Variants in ADH5 observed in about 807,000 individuals in gnomAD.
ADH5 encodes the protein alcohol dehydrogenase class-3.
Under a neutral mutation model 40.3 loss-of-function variants are expected in ADH5, and 32 were observed. The observed-to-expected ratio is 0.79, with a 90% CI of 0.60 to 1.07. The LOEUF (loss-of-function observed/expected upper bound fraction) is 1.07, where lower values mean the gene tolerates loss of function less well. Among genes scored for constraint, ADH5 ranks in the 50% least tolerant of loss-of-function variants. ADH5 has a pLI of 0.00. For missense variants in ADH5, 353 were observed against 460.5 expected, an observed-to-expected ratio of 0.77 and a Z score of 2.14; for synonymous variants, 125 against 154.3, an observed-to-expected ratio of 0.81 and a Z score of 1.41.
intron 4 of ADH5, among the ~76,000 whole-genome samples, 182 bp downstream of exon 4, chr4:99,081,183 C>T (rs1728019125): frequency 6.6e-6 from 1 of 151,938 alleles, no homozygotes; most frequent in South Asian, 2.1e-4. Context: ...TCTCCCCCCA[C>T]CCCACGAAAT....
At position 99,072,293 on chromosome 4, in the gene ADH5, T is replaced by A; in HGVS notation, c.*124A>T. ...TATAGAGATTCATGAATGACACACA[T>A]AACCCTATTTTCTGGAGTAGCTGTG... On this transcript the variant is annotated 3_prime_UTR_variant, in exon 9 of 9. Coordinates refer to ENST00000296412, the MANE Select transcript of ADH5 (RefSeq NM_000671.4). 1 of 803,930 alleles carries A rather than the reference T, an allele frequency of 1.2e-6. No homozygotes were observed. Among genetic ancestry groups the A allele is most frequent in the South Asian group, 1.9e-5 (1 of 51,686 alleles). 49.8% of individuals were successfully genotyped at this position (803,930 alleles called of 1,614,324 possible).
chr4:99,074,477 TCAGA>T (rs1251543462), intron 7 of ADH5, among the ~76,000 whole-genome samples: 29 of 152,310 alleles, frequency 1.9e-4, no homozygotes, highest in African/African-American at 6.7e-4. Context: ...ACTGCTAAAA[TCAGA>T]CAGATATATG....
intron 7 of ADH5, 118 bp downstream of exon 7, chr4:99,074,796 A>C: frequency 1.7e-6 from 2 of 1,187,198 alleles, no homozygotes; most frequent in South Asian, 3.4e-5. Flanking sequence ...ACAACTTATA[A>C]TGAGAAGGAA....
In ADH5 at chr4:99,072,351, TCTC is replaced by T; in HGVS notation, c.*63_*65del. 1 of 1,532,388 alleles carries T rather than the reference TCTC, an allele frequency of 6.5e-7. No individual in the cohort carries two copies. Among genetic ancestry groups the T allele is most frequent in the Non-Finnish European group, 9.0e-7 (1 of 1,113,648 alleles). The allele number at this position is 1,532,388 out of a possible 1,614,324, so 94.9% of individuals were successfully genotyped here. A position where few individuals can be genotyped will look rare whatever the true frequency, so the allele number is the denominator to read the frequency against. On this transcript the variant is annotated 3_prime_UTR_variant, in exon 9 of 9. Transcript: ENST00000296412. ...ACGAGGCTGTGAGGTTGGAGGCGCT[TCTC>T]CCTGCCTGTTAAGCTGCTCCTATCA...
At chr4:99,083,918 C>T (rs1728076957) in intron 2 of ADH5, among the ~76,000 whole-genome samples, 1 of 152,186 alleles carries the variant, frequency 6.6e-6, no homozygotes, top group Admixed American at 6.5e-5. Context: ...CAATATGCCT[C>T]TCTCCAAGGG....
chr4:99,086,939 C>CAAAAAAAAAAAAAA (rs58359709), intron 1 of ADH5, among the ~76,000 whole-genome samples: 2 of 64,270 alleles, frequency 3.1e-5, no homozygotes, highest in African/African-American at 7.1e-5. Context: ...GACTGCGTCT[C>CAAAAAAAAAAAAAA]AAAAAAAAAA....
At chr4:99,075,189 T>G in intron 6 of ADH5, 140 bp from the exon 7 acceptor site, 1 of 646,876 alleles carries the variant, frequency 1.5e-6, no homozygotes, top group Non-Finnish European at 2.5e-6. Context: ...GTGAGCTCAA[T>G]GTTATTGAAC....
chr4:99,085,255 C>T, intron 1 of ADH5, 39 bp from the exon 2 acceptor site: 1 of 1,102,092 alleles, frequency 9.1e-7, no homozygotes, highest in East Asian at 2.9e-5. Context: ...GTTTATCCTC[C>T]TAAACAAGTA....
At chr4:99,077,197 T>C (rs892325216) in intron 4 of ADH5, among the ~76,000 whole-genome samples, 1 of 152,182 alleles carries the variant, frequency 6.6e-6, no homozygotes, top group Non-Finnish European at 1.5e-5. Flanking sequence ...GTACAACTTA[T>C]GGATCAGATG....
At chr4:99,079,788 C>T in intron 4 of ADH5, 3 of 327,244 alleles carry the variant, frequency 9.2e-6, no homozygotes, top group Non-Finnish European at 5.9e-6. Context: ...TCCTAATAGC[C>T]TTAGTGGGTA....
intron 6 of ADH5, 26 bp downstream of exon 6, chr4:99,076,266 T>G (rs1307043921): frequency 6.2e-7 from 1 of 1,602,754 alleles, no homozygotes; most frequent in Non-Finnish European, 8.5e-7. Context: ...TTCCATAAAC[T>G]AAAAAGGAAT....
intron 7 of ADH5, 132 bp downstream of exon 7, chr4:99,074,782 T>C: frequency 9.0e-7 from 1 of 1,105,954 alleles, no homozygotes; most frequent in Non-Finnish European, 1.3e-6. Flanking sequence ...CAGCCTTGCA[T>C]GCAACAACTT....
intron 7 of ADH5, 97 bp from the exon 8 acceptor site, chr4:99,072,808 A>G: frequency 8.3e-7 from 1 of 1,203,890 alleles, no homozygotes; most frequent in East Asian, 2.3e-5. Context: ...GAATTTTTTG[A>G]TGAGTTAAAG....
At chr4:99,082,202 A>G (rs972649198) in intron 2 of ADH5, 86 bp from the exon 3 acceptor site, 40 of 1,361,982 alleles carry the variant, frequency 2.9e-5, no homozygotes, top group Non-Finnish European at 3.9e-5. Context: ...TTTTATTATA[A>G]TACTATATTT....
In ADH5 at chr4:99,088,682, G is replaced by A. The variant is rs1332194848; in HGVS notation, c.12+7C>T. 4 of 1,607,446 alleles carry A rather than the reference G, an allele frequency of 2.5e-6. No individual in the cohort carries two copies. The highest frequency in any genetic ancestry group is 1.7e-5 in the Admixed American group (1 of 59,634). On this transcript the variant is annotated splice_region_variant and intron_variant, in intron 1 of 8. Coordinates refer to ENST00000296412, the MANE Select transcript of ADH5 (RefSeq NM_000671.4). ...GGACTCAGGGCCCTCCGCTCAACGG[G>A]CCCTACCTCGTTCGCCATGTTCACG...
At chr4:99,082,592 C>T (rs28730592) in intron 2 of ADH5, among the ~76,000 whole-genome samples, 13,456 of 152,228 alleles carry the variant, frequency 0.088, 632 homozygotes, top group Middle Eastern at 0.11. Context: ...TCAGAACTTT[C>T]AGAGGAACCA....
intron 4 of ADH5, among the ~76,000 whole-genome samples, chr4:99,077,928 C>G (rs1727958846): frequency 6.6e-6 from 1 of 152,212 alleles, no homozygotes; most frequent in Non-Finnish European, 1.5e-5. Context: ...CCTTCATTTT[C>G]TCACTAGAAA....
rs1252372799 is a variant in ADH5 at position 99,075,055 on chromosome 4, G to A, written c.826-6C>T. ...CATGCCTCAAGTGCTGCTCTCTGCA[G>A]GCACAGAGATATGACCAAATCACAG... is the stretch of plus-strand genomic sequence containing the variant. On this transcript the variant is annotated splice_polypyrimidine_tract_variant and splice_region_variant and intron_variant, in intron 6 of 8. Coordinates refer to ENST00000296412, the MANE Select transcript of ADH5 (RefSeq NM_000671.4). 36 of 1,596,920 alleles carry A rather than the reference G, an allele frequency of 2.3e-5. No individual in the cohort carries two copies. The highest frequency in any genetic ancestry group is 3.0e-5 in the Non-Finnish European group (35 of 1,170,332).
In ADH5 at chr4:99,084,535, C is replaced by T. The variant is rs115242403; in HGVS notation, c.114+580G>A. Among the ~76,000 whole-genome samples the T allele has an allele frequency of 3.7e-3, 569 of 152,286 alleles. 5 individuals are homozygous for T. The highest frequency in any genetic ancestry group is 0.013 in the African/African-American group (534 of 41,550). ...GCCCACCCCTTTCTTGGAAAACTCA[C>T]GAATAACCCATCCTTTGTTTAGCAT... is the stretch of plus-strand genomic sequence containing the variant. On this transcript the variant is annotated intron_variant, in intron 2 of 8. Transcript: ENST00000296412.
Sources: allele counts gnomAD v4.1 joint callset (sites outside exome capture counted in the v4.1 genomes callset), GRCh38; gene constraint gnomAD v4.1.1; transcripts MANE v1.5; gene names NCBI Gene and HGNC (gene_info 2026-07-23, HGNC 2026-07-21).